Variants in GRM5 observed in about 807,000 individuals in gnomAD.
GRM5 encodes the protein glutamate metabotropic receptor 5, also known as metabotropic glutamate receptor 5.
Under a neutral mutation model 83.1 loss-of-function variants are expected in GRM5, and 19 were observed. The ratio of observed to expected loss-of-function variants is 0.23; its 90% CI spans 0.16 to 0.34. GRM5 has a LOEUF of 0.34. GRM5 is among the 10% of genes least tolerant of loss of function. The pLI is 1.00. For missense variants in GRM5, 1,160 were observed against 1,588.3 expected (o/e 0.73, Z 4.58); for synonymous variants, 675 against 633.6 (o/e 1.07, Z -0.98).
In GRM5 at chr11:88,905,533, G is replaced by A. The variant is rs544117165; in HGVS notation, c.662-55378C>T. On this transcript the variant is annotated intron_variant, in intron 2 of 9. Coordinates refer to ENST00000305447, the MANE Select transcript of GRM5 (RefSeq NM_001143831.3). ...ATTTTTGTATTTTTAGTAGAGACGG[G>A]GTTTCGCCAGGTTTGTCAGGCTGGT... Among the ~76,000 whole-genome samples the A allele has an allele frequency of 2.5e-3, 386 of 152,154 alleles. 1 individual carries two copies. Among genetic ancestry groups the A allele is most frequent in the African/African-American group, 9.1e-3 (378 of 41,512 alleles).
intron 1 of GRM5, among the ~76,000 whole-genome samples, chr11:89,059,164 A>G (rs1405417364): frequency 6.6e-6 from 1 of 152,150 alleles, no homozygotes; most frequent in Non-Finnish European, 1.5e-5. Context: ...AACCAGCATT[A>G]TTGTGAACAA....
At chr11:89,015,673 T>C (rs1420448948) in intron 2 of GRM5, among the ~76,000 whole-genome samples, 2 of 152,208 alleles carry the variant, frequency 1.3e-5, no homozygotes, top group African/African-American at 4.8e-5. Flanking sequence ...AAATACCATT[T>C]TCCAGGAAGT....
intron 8 of GRM5, among the ~76,000 whole-genome samples, chr11:88,561,124 G>A (rs1018220810): frequency 6.6e-6 from 1 of 152,096 alleles, no homozygotes; most frequent in Non-Finnish European, 1.5e-5. Context: ...GGAAATATAA[G>A]CCATTGGAAA....
At chr11:88,800,771 A>T (rs1943376576) in intron 3 of GRM5, among the ~76,000 whole-genome samples, 1 of 152,130 alleles carries the variant, frequency 6.6e-6, no homozygotes, top group Admixed American at 6.6e-5. Flanking sequence ...TGAGCAACAC[A>T]TTCCTTATGC....
intron 3 of GRM5, among the ~76,000 whole-genome samples, chr11:88,821,735 G>A (rs1279754562): frequency 6.6e-6 from 1 of 152,048 alleles, no homozygotes; most frequent in Admixed American, 6.6e-5. Flanking sequence ...AGTTTAGTCT[G>A]GAAAATAAAT....
At chr11:88,721,404 A>T (rs1389092749) in intron 3 of GRM5, among the ~76,000 whole-genome samples, 1 of 152,052 alleles carries the variant, frequency 6.6e-6, no homozygotes, top group Non-Finnish European at 1.5e-5. Context: ...GATTCTATTA[A>T]CTGAAGAATA....
intron 4 of GRM5, among the ~76,000 whole-genome samples, chr11:88,622,622 C>G (rs933854501): frequency 2.6e-5 from 4 of 152,170 alleles, no homozygotes; most frequent in Admixed American, 6.5e-5. Flanking sequence ...GCGGCAGACA[C>G]CTGCCTTCTG....
In GRM5 at chr11:88,567,025, C is replaced by A; in HGVS notation, c.2630+28G>T. On this transcript the variant is annotated intron_variant, in intron 8 of 9. Transcript: ENST00000305447. The surrounding 1 kb of genome is among the most constrained non-coding windows in gnomAD (Gnocchi z 7.3). ...CCTCTGCTCCAGTTTTAGGGGCCAG[C>A]ATCCCTGTAAGCCCCCACAACTTTT... 2.1e-6 allele frequency: 3 copies of A among 1,418,256 alleles called. No homozygotes were observed. The highest frequency in any genetic ancestry group is 1.3e-5 in the South Asian group (1 of 78,180). 87.9% of individuals were successfully genotyped at this position (1,418,256 alleles called of 1,614,324 possible). A position where few individuals can be genotyped will look rare whatever the true frequency, so the allele number is the denominator to read the frequency against.
At chr11:88,948,032 A>G (rs1387511474) in intron 2 of GRM5, among the ~76,000 whole-genome samples, 1 of 152,122 alleles carries the variant, frequency 6.6e-6, no homozygotes, top group African/African-American at 2.4e-5. Context: ...AGTGGCAGGA[A>G]AATGGAGGCC....
At chr11:88,514,842 C>T (rs113658627) in intron 9 of GRM5, among the ~76,000 whole-genome samples, 186 of 152,254 alleles carry the variant, frequency 1.2e-3, no homozygotes, top group African/African-American at 4.2e-3. Flanking sequence ...TCAATTAATA[C>T]ATGTATTGCA....
intron 2 of GRM5, among the ~76,000 whole-genome samples, chr11:88,913,849 A>G (rs1945545696): frequency 6.6e-6 from 1 of 152,064 alleles, no homozygotes; most frequent in Admixed American, 6.6e-5. Flanking sequence ...GGCCTCCCAA[A>G]GTGCTAGAAT....
intron 2 of GRM5, among the ~76,000 whole-genome samples, chr11:89,015,636 G>C (rs1238839639): frequency 2.0e-5 from 3 of 152,184 alleles, no homozygotes; most frequent in African/African-American, 7.2e-5. Flanking sequence ...TTTATTCTGT[G>C]TGTGTTTTAA....
rs373769157 is a variant in GRM5, at chr11:88,573,905, C to A, written c.1691-5913G>T. On this transcript the variant is annotated intron_variant, in intron 7 of 9. Coordinates refer to ENST00000305447, the MANE Select transcript of GRM5 (RefSeq NM_001143831.3). ...AATTCTGTGTCTAGTGTTCATATCC[C>A]TGATCCTTTAATATTTTTTCTTTAC... 4.6e-5 allele frequency among the ~76,000 whole-genome samples: 7 copies of A among 152,270 alleles called. No homozygotes were observed. In the South Asian group the frequency reaches 1.5e-3, roughly 32 times the overall value.
intron 2 of GRM5, among the ~76,000 whole-genome samples, chr11:88,924,240 T>C (rs867601869): frequency 2.3e-4 from 19 of 83,372 alleles, no homozygotes; most frequent in Middle Eastern, 5.5e-3. Context: ...TTTTGGAAAA[T>C]AGTTTGGAGC....
intron 3 of GRM5, among the ~76,000 whole-genome samples, chr11:88,717,038 A>G (rs1187625430): frequency 6.6e-6 from 1 of 151,974 alleles, no homozygotes; most frequent in African/African-American, 2.4e-5. Context: ...CTTTTCTCTT[A>G]GTAAGATAGT....
At chr11:88,980,884 G>A (rs1485047394) in intron 2 of GRM5, among the ~76,000 whole-genome samples, 2 of 151,958 alleles carry the variant, frequency 1.3e-5, no homozygotes, top group African/African-American at 4.8e-5. Context: ...TCAGTTAATA[G>A]TATCATACCA....
At chr11:89,015,196 A>C (rs1853686205) in intron 2 of GRM5, among the ~76,000 whole-genome samples, 1 of 152,210 alleles carries the variant, frequency 6.6e-6, no homozygotes. Flanking sequence ...TCCACTCATA[A>C]AATTTCATAA....
chr11:88,924,882 T>G (rs1336823986), intron 2 of GRM5, among the ~76,000 whole-genome samples: 1 of 152,132 alleles, frequency 6.6e-6, no homozygotes, highest in African/African-American at 2.4e-5. Context: ...TTATCTATAG[T>G]AAGCATTTCA....
In GRM5 at chr11:88,950,895, T is replaced by C. The variant is rs951227972; in HGVS notation, c.661+96317A>G. ...TCGTTAGGATCAAGGGAGATACTAC[T>C]TGTGAGAGAAATTGTAAATGTATAA... is the stretch of plus-strand genomic sequence containing the variant. On this transcript the variant is annotated intron_variant, in intron 2 of 9. Transcript: ENST00000305447. Among the ~76,000 whole-genome samples the C allele has an allele frequency of 3.9e-5, 6 of 152,216 alleles. No homozygotes were observed. In the South Asian group the frequency reaches 8.3e-4, roughly 21 times the overall value.
Sources: gnomAD v4.1 joint callset for allele counts (sites outside exome capture counted in the v4.1 genomes callset) on GRCh38, gnomAD v4.1.1 for gene constraint, Gnocchi (gnomAD v3.1) non-coding constraint, MANE v1.5 for transcripts, NCBI Gene and HGNC (gene_info 2026-07-23, HGNC 2026-07-21) for gene names.